Variants in PRKCB observed in about 807,000 individuals in gnomAD.
PRKCB encodes the protein protein kinase C beta.
A neutral mutation model predicts 81.5 loss-of-function variants in PRKCB; 13 were observed. That is an observed-to-expected ratio of 0.16 (90% CI 0.10 to 0.25). PRKCB has a LOEUF of 0.25. Among genes scored for constraint, PRKCB ranks in the 10% least tolerant of loss-of-function variants. PRKCB has a pLI of 1.00. For synonymous variants in PRKCB, 335 were observed against 321.4 expected (o/e 1.04, Z -0.45); for missense variants, 509 against 875.7 (o/e 0.58, Z 5.29).
intron 10 of PRKCB, among the ~76,000 whole-genome samples, chr16:24,161,795 A>C (rs1244171076): frequency 6.6e-6 from 1 of 152,192 alleles, no homozygotes; most frequent in Non-Finnish European, 1.5e-5. Context: ...TGAATAAAAT[A>C]TAATAAACAT....
intron 2 of PRKCB, among the ~76,000 whole-genome samples, chr16:23,940,809 T>A (rs1407108680): frequency 6.6e-6 from 1 of 152,184 alleles, no homozygotes; most frequent in Non-Finnish European, 1.5e-5. Context: ...CGGATTTATG[T>A]CGTAGCTTTT....
intron 3 of PRKCB, among the ~76,000 whole-genome samples, chr16:24,002,538 C>A (rs1248373073): frequency 6.6e-6 from 1 of 152,054 alleles, no homozygotes; most frequent in African/African-American, 2.4e-5. Context: ...CGGGGTTTCA[C>A]CATGTTGGCC....
chr16:24,044,036 T>C (rs918263813), intron 5 of PRKCB, among the ~76,000 whole-genome samples: 13 of 152,118 alleles, frequency 8.5e-5, no homozygotes, highest in African/African-American at 3.1e-4. Context: ...GTACCCATTT[T>C]ATGTGATACT....
chr16:24,134,841 G>T (rs1966859716), intron 9 of PRKCB, among the ~76,000 whole-genome samples: 1 of 152,094 alleles, frequency 6.6e-6, no homozygotes, highest in African/African-American at 2.4e-5. Context: ...GAGCCCAGGA[G>T]TTCGAGGCTG....
intron 2 of PRKCB, among the ~76,000 whole-genome samples, chr16:23,972,183 A>G (rs1371878471): frequency 2.6e-5 from 4 of 152,244 alleles, no homozygotes; most frequent in East Asian, 3.8e-4. Flanking sequence ...GAAGGCAGAC[A>G]CAAAATAGTG....
chr16:24,207,621 A>T (rs1235851308), intron 16 of PRKCB, among the ~76,000 whole-genome samples: 2 of 152,182 alleles, frequency 1.3e-5, no homozygotes, highest in Non-Finnish European at 2.9e-5. Context: ...CATCAAATAG[A>T]TGTATCATTA....
intron 11 of PRKCB, 99 bp downstream of exon 11, chr16:24,172,460 C>T: frequency 1.1e-6 from 1 of 897,686 alleles, no homozygotes; most frequent in Non-Finnish European, 1.7e-6. Flanking sequence ...TCTTTAAACA[C>T]CTCGGGCATC....
intron 3 of PRKCB, among the ~76,000 whole-genome samples, chr16:24,015,928 C>T (rs1965271982): frequency 6.6e-6 from 1 of 152,096 alleles, no homozygotes; most frequent in African/African-American, 2.4e-5. Flanking sequence ...TGGGAAAAGT[C>T]ACAACTCAGT....
intron 10 of PRKCB, 172 bp from the exon 11 acceptor site, chr16:24,172,098 G>A (rs970746853): frequency 2.8e-5 from 17 of 605,240 alleles, no homozygotes; most frequent in African/African-American, 5.6e-5. Flanking sequence ...GCTCACTTGC[G>A]TAGTTCCAGT....
intron 2 of PRKCB, among the ~76,000 whole-genome samples, chr16:23,951,360 C>G (rs535150065): frequency 6.6e-6 from 1 of 152,164 alleles, no homozygotes; most frequent in Non-Finnish European, 1.5e-5. Flanking sequence ...ATTAGGCATA[C>G]GCTTTTTGGG....
rs987003349 is a variant in PRKCB at position 23,999,045 on chromosome 16, T to C, written c.288+10455T>C. ...AAAGGTCAGTTGGCACCAAGGATGA[T>C]GAATTGGTCCAGACACCTGAACTGG... On this transcript the variant is annotated intron_variant, in intron 3 of 16. Coordinates refer to ENST00000643927, the MANE Select transcript of PRKCB (RefSeq NM_002738.7). Among the ~76,000 whole-genome samples the C allele has an allele frequency of 9.9e-5, 15 of 152,216 alleles. 1 individual carries two copies. Among genetic ancestry groups the C allele is most frequent in the Admixed American group, 3.9e-4 (6 of 15,278 alleles).
intron 9 of PRKCB, among the ~76,000 whole-genome samples, chr16:24,143,603 A>G (rs1424841119): frequency 6.6e-6 from 1 of 152,108 alleles, no homozygotes; most frequent in Non-Finnish European, 1.5e-5. Context: ...CTGGAGGCCT[A>G]CAGTATATAC....
intron 2 of PRKCB, among the ~76,000 whole-genome samples, chr16:23,896,518 C>A (rs1963382023): frequency 1.3e-5 from 2 of 151,982 alleles, no homozygotes; most frequent in African/African-American, 2.4e-5. Flanking sequence ...TAAAGGAAAC[C>A]AATAAGGGTC....
At chr16:23,993,540 AG>A (rs1457914427) in intron 3 of PRKCB, among the ~76,000 whole-genome samples, 86 of 152,326 alleles carry the variant, frequency 5.6e-4, no homozygotes, top group African/African-American at 1.9e-3. Context: ...CCTTTAAGAA[AG>A]GTATGTCTCT....
chr16:23,928,417 C>T (rs767551217), intron 2 of PRKCB, among the ~76,000 whole-genome samples: 4 of 152,120 alleles, frequency 2.6e-5, no homozygotes, highest in East Asian at 1.9e-4. Flanking sequence ...CATGAGCCAC[C>T]GCGCCCGGCC....
intron 3 of PRKCB, among the ~76,000 whole-genome samples, chr16:24,008,504 G>T (rs1251889874): frequency 6.6e-6 from 1 of 152,146 alleles, no homozygotes; most frequent in Non-Finnish European, 1.5e-5. Flanking sequence ...ACTGTTTATT[G>T]TACGGGAAAA....
intron 7 of PRKCB, among the ~76,000 whole-genome samples, chr16:24,107,723 C>T (rs543802497): frequency 1.3e-5 from 2 of 152,210 alleles, no homozygotes; most frequent in Non-Finnish European, 2.9e-5. Flanking sequence ...GCCCGCTGCG[C>T]CAGGCACTGA....
chr16:24,086,073 A>G (rs757489273), intron 5 of PRKCB, among the ~76,000 whole-genome samples: 1 of 152,190 alleles, frequency 6.6e-6, no homozygotes, highest in Non-Finnish European at 1.5e-5. Context: ...GGTGAAGATT[A>G]TACAGCATGG....
At chr16:24,180,638 A>G (rs575581557) in intron 12 of PRKCB, 152 bp from the exon 13 acceptor site, 11 of 853,222 alleles carry the variant, frequency 1.3e-5, no homozygotes, top group South Asian at 3.6e-5. Flanking sequence ...TCCCTGCCAG[A>G]CTGTAAGCTG....
Sources: gnomAD v4.1 joint callset for allele counts (sites outside exome capture counted in the v4.1 genomes callset) on GRCh38, gnomAD v4.1.1 for gene constraint, MANE v1.5 for transcripts, NCBI Gene and HGNC (gene_info 2026-07-23, HGNC 2026-07-21) for gene names.